Variants in IRAG1 observed in about 807,000 individuals in gnomAD.
The protein encoded by IRAG1 is IP3R-associated cGMP kinase substrate.
Under a neutral mutation model 106.2 loss-of-function variants are expected in IRAG1, and 62 were observed. That is an observed-to-expected ratio of 0.58 (90% CI 0.48 to 0.72). The LOEUF is 0.72. Among genes scored for constraint, IRAG1 ranks in the 30% least tolerant of loss-of-function variants. The pLI is 0.00. For synonymous variants in IRAG1, 462 were observed against 443.9 expected (o/e 1.04, Z -0.51); for missense variants, 1,064 against 1,140.7 (o/e 0.93, Z 0.97).
At chr11:10,592,262 T>A (rs1014750141) in intron 17 of IRAG1, among the ~76,000 whole-genome samples, 3 of 152,226 alleles carry the variant, frequency 2.0e-5, no homozygotes, top group Non-Finnish European at 2.9e-5. Flanking sequence ...AAAAGTACCC[T>A]GTGTGGTTTT....
At chr11:10,644,186 C>T (rs1381280498) in intron 2 of IRAG1, among the ~76,000 whole-genome samples, 1 of 152,202 alleles carries the variant, frequency 6.6e-6, no homozygotes, top group Non-Finnish European at 1.5e-5. Context: ...CAGTGGGAAA[C>T]TTGAGTTTGA....
rs769449100 is a variant in IRAG1 at position 10,626,177 on chromosome 11, C to T, written c.1157G>A (p.Arg386Gln). 2.7e-5 allele frequency: 42 copies of T among 1,552,530 alleles called. No individual in the cohort carries two copies. The highest frequency in any genetic ancestry group is 1.7e-4 in the Middle Eastern group (1 of 5,776). The change falls in exon 9 of 21, where the codon CGG becomes CAG. Residue 386 changes from arginine (R) to glutamine (Q), a missense_variant. By Grantham distance (43) the Arg-to-Gln change is conservative. Coordinates refer to ENST00000423302, the MANE Select transcript of IRAG1 (RefSeq NM_130385.4). ...GGAGAGCCCTCGCAGCAGCGGGGGC[C>T]GGGACACAGTGGGTGGAAGCTCAGC... ...SKAELPPTVS[R>Q]PPLLRGLSWD...
At chr11:10,638,389 T>G (rs893305528) in intron 2 of IRAG1, among the ~76,000 whole-genome samples, 1 of 152,172 alleles carries the variant, frequency 6.6e-6, no homozygotes, top group African/African-American at 2.4e-5. Context: ...CCCTGTGTCA[T>G]GTAGTTTTCA....
Position 10,657,834 on chromosome 11 carries a change from A to G in IRAG1, c.68-5652T>C, listed in dbSNP as rs150597874. Among the ~76,000 whole-genome samples the G allele has an allele frequency of 1.8e-4, 28 of 152,144 alleles. 1 individual carries two copies. In the East Asian group the frequency reaches 5.2e-3, roughly 28 times the overall value. On this transcript the variant is annotated intron_variant, in intron 1 of 20. Transcript: ENST00000423302. This position sits in a 1 kb window ranked among gnomAD's most constrained non-coding sequence, Gnocchi z 4.1. ...GAGAACTCACCAGTCTTACCCCTGC[A>G]CCCATTTTTACCAATGGGGAACCGA...
rs760069492 is a variant in IRAG1 at position 10,581,863 on chromosome 11, T to C, written c.2360+4A>G. The C allele has an allele frequency of 1.2e-6, 2 of 1,613,572 alleles. No individual in the cohort carries two copies. Among genetic ancestry groups the C allele is most frequent in the East Asian group, 4.5e-5 (2 of 44,880 alleles). On this transcript the variant is annotated splice_donor_region_variant and intron_variant, in intron 19 of 20. Transcript: ENST00000423302. ...GCCCTTGGGGTGGCTGAGGTCTGAC[T>C]CACCCCTTGCTGTAGGCTTCTTCCT...
chr11:10,664,645 G>A (rs1760363869), intron 1 of IRAG1, among the ~76,000 whole-genome samples: 1 of 152,158 alleles, frequency 6.6e-6, no homozygotes, highest in Non-Finnish European at 1.5e-5. Context: ...GGGCCTTCCT[G>A]GCATCCCAGG....
intron 18 of IRAG1, 141 bp downstream of exon 18, chr11:10,591,407 G>T: frequency 1.3e-6 from 1 of 780,818 alleles, no homozygotes; most frequent in Non-Finnish European, 2.1e-6. Context: ...ATCTTTGTGG[G>T]TTTCAGACTC....
rs571109749 is a variant in IRAG1 at position 10,619,629 on chromosome 11, T to C, written c.1447+4149A>G. 5.3e-5 allele frequency among the ~76,000 whole-genome samples: 8 copies of C among 152,336 alleles called. 1 individual carries two copies. Among genetic ancestry groups the C allele is most frequent in the African/African-American group, 1.4e-4 (6 of 41,572 alleles). ...GCAAGATAGAGTTCTACAACCTAAA[T>C]GACAGAAATGAAAATGTATGCCAGG... On this transcript the variant is annotated intron_variant, in intron 10 of 20. Coordinates refer to ENST00000423302, the MANE Select transcript of IRAG1 (RefSeq NM_130385.4).
chr11:10,595,256 T>C (rs1853169367), intron 15 of IRAG1, among the ~76,000 whole-genome samples: 1 of 152,220 alleles, frequency 6.6e-6, no homozygotes, highest in Non-Finnish European at 1.5e-5. Context: ...TGAGATTCTC[T>C]ATTAACCAAT....
intron 8 of IRAG1, 115 bp downstream of exon 8, chr11:10,627,601 A>C (rs138208619): frequency 1.9e-6 from 2 of 1,077,154 alleles, no homozygotes; most frequent in Non-Finnish European, 1.4e-6. Flanking sequence ...CTGACCCTCC[A>C]CTCATACGTG....
intron 20 of IRAG1, among the ~76,000 whole-genome samples, chr11:10,578,843 A>ACTCT (rs3075191): frequency 0.43 from 64,512 of 151,502 alleles, 14,006 homozygotes; most frequent in East Asian, 0.71. Flanking sequence ...TATTCCATGT[A>ACTCT]CTCTCTCTCT....
intron 10 of IRAG1, among the ~76,000 whole-genome samples, chr11:10,615,492 T>C (rs1163635239): frequency 1.3e-5 from 2 of 152,206 alleles, no homozygotes; most frequent in African/African-American, 2.4e-5. Flanking sequence ...CGTATGTTTA[T>C]TGCAGCACTA....
intron 9 of IRAG1, among the ~76,000 whole-genome samples, chr11:10,625,514 C>T (rs377496348): frequency 1.3e-5 from 2 of 152,130 alleles, no homozygotes; most frequent in Admixed American, 6.5e-5. Context: ...CTTTTGTTAA[C>T]AGGCATCAGG....
rs548125124 is a variant in IRAG1, at chr11:10,603,039, G to T, written c.1875+81C>A. The T allele has an allele frequency of 9.5e-4, 1,414 of 1,486,200 alleles. 1 individual carries two copies. The highest frequency in any genetic ancestry group is 1.2e-3 in the Non-Finnish European group (1,278 of 1,107,366). 92.1% of individuals were successfully genotyped at this position (1,486,200 alleles called of 1,614,324 possible). A position where few individuals can be genotyped will look rare whatever the true frequency, so the allele number is the denominator to read the frequency against. On this transcript the variant is annotated intron_variant, in intron 14 of 20. Transcript: ENST00000423302. ...AGGAAGCCACCTCTAAGTGGTATCT[G>T]TAGTTGCCGCTGCTTGGGTGATTGC...
In IRAG1 at chr11:10,604,435, T is replaced by C; in HGVS notation, c.1713A>G (p.Lys571=). 6.2e-7 allele frequency: 1 copy of C among 1,614,096 alleles called. No individual in the cohort carries two copies. Among genetic ancestry groups the C allele is most frequent in the Non-Finnish European group, 8.5e-7 (1 of 1,179,910 alleles). ...TGGAAGCTTTGAAGTTTTCCAGTTC[T>C]TTCTCAGTGTTCTCCTCTGTCAGGT... ...ERNLTEENTE[K]ELENFKASIT... Residue 571 remains lysine (K), a synonymous_variant, in exon 13 of 21, where the codon AAA becomes AAG. Coordinates refer to ENST00000423302, the MANE Select transcript of IRAG1 (RefSeq NM_130385.4).
At chr11:10,691,442 T>C (rs1862051542) in intron 1 of IRAG1, among the ~76,000 whole-genome samples, 1 of 152,254 alleles carries the variant, frequency 6.6e-6, no homozygotes, top group Non-Finnish European at 1.5e-5. Context: ...CCATCACGTA[T>C]AGTTCAGCCC....
At chr11:10,642,495 A>C (rs1464848366) in intron 2 of IRAG1, among the ~76,000 whole-genome samples, 1 of 152,190 alleles carries the variant, frequency 6.6e-6, no homozygotes, top group African/African-American at 2.4e-5. Flanking sequence ...TGGGGGGTTT[A>C]GATCCTGTAG....
Position 10,633,953 on chromosome 11 carries a change from AT to A in IRAG1, c.329+14del. 1 of 1,536,578 alleles carries A rather than the reference AT, an allele frequency of 6.5e-7. No homozygotes were observed. Among genetic ancestry groups the A allele is most frequent in the Non-Finnish European group, 9.0e-7 (1 of 1,113,694 alleles). On this transcript the variant is annotated intron_variant, in intron 3 of 20. Transcript: ENST00000423302. ...AAATATTGTTTGTCACAATGCAAGG[AT>A]CAGGCACCTGTACCTGTTGGCCAGG...
intron 10 of IRAG1, among the ~76,000 whole-genome samples, chr11:10,623,313 C>T (rs1855980956): frequency 6.6e-6 from 1 of 152,148 alleles, no homozygotes; most frequent in Non-Finnish European, 1.5e-5. Context: ...AACCATTTTC[C>T]CCGCCATGGT....
Sources: gnomAD v4.1 joint callset for allele counts (sites outside exome capture counted in the v4.1 genomes callset) on GRCh38, gnomAD v4.1.1 for gene constraint, Gnocchi (gnomAD v3.1) non-coding constraint, MANE v1.5 for transcripts, NCBI Gene and HGNC (gene_info 2026-07-23, HGNC 2026-07-21) for gene names.